MTRR: variants seen among roughly 807,000 people sequenced by gnomAD.
The protein encoded by MTRR is 5-methyltetrahydrofolate-homocysteine methyltransferase reductase, also known as methionine synthase reductase.
A neutral mutation model predicts 79.2 loss-of-function variants in MTRR; 63 were observed. The observed-to-expected ratio is 0.80, with a 90% CI of 0.65 to 0.98. MTRR has a LOEUF of 0.98. Among genes scored for constraint, MTRR ranks in the 50% least tolerant of loss-of-function variants. MTRR has a pLI of 0.00. For missense variants in MTRR, 895 were observed against 839.6 expected (o/e 1.07, Z -0.82); for synonymous variants, 355 against 313.3 (o/e 1.13, Z -1.41).
chr5:7,895,736 A>G lies in MTRR; in HGVS notation c.1560A>G (p.Ile520Met). The change falls in exon 12 of 15, where the codon ATA becomes ATG. Residue 520 changes from isoleucine (I) to methionine (M), a missense_variant and splice_region_variant. Ile to Met is a conservative substitution (Grantham distance 10, BLOSUM62 1). Transcript: ENST00000440940. ...CCACATTTGATGTAATATTTCAGAT[A>G]TCCATCTCTCCTCGAACAACAAATT... ...EDSGKALAPK[I>M]SISPRTTNSF... 6.2e-7 allele frequency: 1 copy of G among 1,613,968 alleles called. No homozygotes were observed. The highest frequency in any genetic ancestry group is 8.5e-7 in the Non-Finnish European group (1 of 1,179,854).
chr5:7,879,525 G>A (rs1292595564), intron 5 of MTRR, among the ~76,000 whole-genome samples: 2 of 150,416 alleles, frequency 1.3e-5, no homozygotes, highest in Non-Finnish European at 3.0e-5. Flanking sequence ...TCATTAAATA[G>A]GCTTGAGTTG....
At position 7,885,844 on chromosome 5, in the gene MTRR, AAAG is replaced by A. The variant is rs1337797121; in HGVS notation, c.1053_1055del (p.Lys352del). On this transcript the variant is annotated inframe_deletion, in exon 7 of 15. Transcript: ENST00000440940. ...TCCTTTTGAAAATAAAGGCAGACAC[AAAG>A]AAGAAAGGTAACAGCCCTGATGCTG... 1 of 1,614,070 alleles carries A rather than the reference AAAG, an allele frequency of 6.2e-7. No individual in the cohort carries two copies. The highest frequency in any genetic ancestry group is 1.1e-5 in the South Asian group (1 of 91,064).
intron 9 of MTRR, among the ~76,000 whole-genome samples, chr5:7,890,035 A>G (rs1737284602): frequency 6.6e-6 from 1 of 152,192 alleles, no homozygotes; most frequent in Non-Finnish European, 1.5e-5. Flanking sequence ...TAAGCGCTTT[A>G]TAGGACTTCA....
intron 7 of MTRR, 78 bp downstream of exon 7, chr5:7,885,932 G>C: frequency 1.3e-6 from 2 of 1,593,782 alleles, no homozygotes; most frequent in South Asian, 1.1e-5. Flanking sequence ...TGGCTCTAAG[G>C]TTCAGGGTCC....
chr5:7,879,037 T>C (rs1339487347), intron 5 of MTRR, among the ~76,000 whole-genome samples: 1 of 152,232 alleles, frequency 6.6e-6, no homozygotes, highest in Non-Finnish European at 1.5e-5. Flanking sequence ...TCTTGTATAT[T>C]AGCACTGTTT....
In MTRR at chr5:7,870,943, A is replaced by T. The variant is rs758051759; in HGVS notation, c.129+20A>T. On this transcript the variant is annotated intron_variant, in intron 2 of 14. Transcript: ENST00000440940. ...GATAAGGTTAGAGCCGTTACAGTGG[A>T]TTTTACCGTTTTGTGCTTTGAAGAA... 6 of 1,614,092 alleles carry T rather than the reference A, an allele frequency of 3.7e-6. No homozygotes were observed. In the Admixed American group the frequency reaches 1.0e-4, roughly 27 times the overall value.
chr5:7,885,665 A>G, intron 6 of MTRR, 36 bp from the exon 7 acceptor site: 1 of 1,460,394 alleles, frequency 6.8e-7, no homozygotes, highest in Middle Eastern at 1.7e-4. Context: ...AACACGTATA[A>G]TGTATTTTTT....
At chr5:7,853,410 C>T (rs935511246) in intron 1 of MTRR, among the ~76,000 whole-genome samples, 2 of 152,202 alleles carry the variant, frequency 1.3e-5, no homozygotes, top group Non-Finnish European at 2.9e-5. Context: ...ATGAATTACC[C>T]AGTCTCAGGT....
upstream of MTRR, chr5:7,866,670 G>C (rs763885887): frequency 6.3e-7 from 1 of 1,595,980 alleles, no homozygotes; most frequent in Non-Finnish European, 8.5e-7. Flanking sequence ...AGGAAAAGAG[G>C]CTTGAATATT....
At chr5:7,877,802 A>AT in intron 4 of MTRR, 142 bp from the exon 5 acceptor site, 2 of 1,109,936 alleles carry the variant, frequency 1.8e-6, no homozygotes, top group Admixed American at 1.9e-5. Context: ...ATCATGAAGT[A>AT]TTTTTTGTAT....
intron 4 of MTRR, among the ~76,000 whole-genome samples, chr5:7,877,254 A>G (rs1005527754): frequency 5.9e-5 from 9 of 152,208 alleles, no homozygotes; most frequent in African/African-American, 2.2e-4. Flanking sequence ...TGTTGTTATG[A>G]TAATTTGTTA....
chr5:7,893,172 G>A (rs1737927795), intron 11 of MTRR: 1 of 488,172 alleles, frequency 2.0e-6, no homozygotes. Context: ...TGGAAAAGAA[G>A]ACCTTTTATG....
intron 5 of MTRR, among the ~76,000 whole-genome samples, chr5:7,881,659 CTG>C (rs1735623099): frequency 6.6e-6 from 1 of 152,110 alleles, no homozygotes. Flanking sequence ...CATGAGATGA[CTG>C]TGTCTTTCTA....
intron 10 of MTRR, among the ~76,000 whole-genome samples, chr5:7,892,086 T>G (rs1737705697): frequency 6.6e-6 from 1 of 152,128 alleles, no homozygotes. Flanking sequence ...GCTTATAGGA[T>G]TCTCCCTGTG....
At chr5:7,887,813 TATA>T (rs1736849458) in intron 8 of MTRR, among the ~76,000 whole-genome samples, 1 of 41,850 alleles carries the variant, frequency 2.4e-5, no homozygotes, top group Non-Finnish European at 4.2e-5. Context: ...TATATATATA[TATA>T]TATATATATA....
chr5:7,871,502 C>T lies in MTRR; in HGVS notation c.129+579C>T, dbSNP rs1026197429. ...TGTTCTTTTATTTAGTTTGCTGCCT[C>T]CAGATTATACTATTTCAGACAATTC... On this transcript the variant is annotated intron_variant, in intron 2 of 14. Coordinates refer to ENST00000440940, the MANE Select transcript of MTRR (RefSeq NM_002454.3). 2.6e-5 allele frequency among the ~76,000 whole-genome samples: 4 copies of T among 152,314 alleles called. No homozygotes were observed. The South Asian group carries it at 6.2e-4, about 24-fold the overall frequency.
At chr5:7,896,592 T>A (rs534280119) in intron 12 of MTRR, 1 of 511,754 alleles carries the variant, frequency 2.0e-6, no homozygotes, top group South Asian at 2.2e-5. Context: ...TGTAGAGCTC[T>A]CTCTAGATCT....
intron 1 of MTRR, 50 bp downstream of exon 1, chr5:7,869,265 A>G (rs752273062): frequency 6.3e-7 from 1 of 1,595,018 alleles, no homozygotes; most frequent in Non-Finnish European, 8.5e-7. Flanking sequence ...CTCGCCCTGC[A>G]CTAATCTCCT....
Position 7,851,747 on chromosome 5 carries a change from C to A in MTRR, n.391+162C>A, listed in dbSNP as rs148122993. Among the ~76,000 whole-genome samples, 22 of 152,256 alleles carry A rather than the reference C, an allele frequency of 1.4e-4. No individual in the cohort carries two copies. The East Asian group carries it at 1.5e-3, about 11-fold the overall frequency. ...TCAGCTGCTGTGGACAGGGCTCTTG[C>A]AATCCTTTGCCAGTGTGTTTACGTT... is the stretch of plus-strand genomic sequence containing the variant. On this transcript the variant is annotated intron_variant and non_coding_transcript_variant, in intron 1 of 3. Coordinates refer to the MTRR transcript ENST00000502509.
Sources: gnomAD v4.1 joint callset for allele counts (sites outside exome capture counted in the v4.1 genomes callset) on GRCh38, gnomAD v4.1.1 for gene constraint, MANE v1.5 for transcripts, NCBI Gene and HGNC (gene_info 2026-07-23, HGNC 2026-07-21) for gene names.